CACNA1A: variants seen among roughly 807,000 people sequenced by gnomAD.
The protein encoded by CACNA1A is voltage-dependent P/Q-type calcium channel subunit alpha-1A.
In CACNA1A, 57 loss-of-function variants were observed where a neutral mutation model predicts 262.4. That is an observed-to-expected ratio of 0.22 (90% CI 0.18 to 0.27). The LOEUF (loss-of-function observed/expected upper bound fraction) is 0.27. Ranked by LOEUF, CACNA1A falls within the 10% of genes least tolerant of loss-of-function variation. The probability of loss-of-function intolerance (pLI) is 1.00; values close to 1 mark genes in which losing one functional copy is unlikely to be tolerated. For synonymous variants in CACNA1A, 1,431 were observed against 1,419.3 expected, an observed-to-expected ratio of 1.01 and a Z score of -0.18; for missense variants, 2,526 against 3,562.8, an observed-to-expected ratio of 0.71 and a Z score of 7.41.
intron 28 of CACNA1A, 108 bp downstream of exon 28, chr19:13,257,242 G>A (rs2056597350): frequency 1.2e-6 from 1 of 858,470 alleles, no homozygotes; most frequent in East Asian, 2.6e-5. Context: ...CAATGCTTCT[G>A]TTCCCTCCCC....
At chr19:13,283,451 C>T in intron 21 of CACNA1A, 55 bp from the exon 22 acceptor site, 1 of 1,608,052 alleles carries the variant, frequency 6.2e-7, no homozygotes, top group South Asian at 1.1e-5. Flanking sequence ...GCTCACAAAC[C>T]CTTTTCTTCC....
At chr19:13,401,205 T>C (rs1467735649) in intron 3 of CACNA1A, among the ~76,000 whole-genome samples, 1 of 152,230 alleles carries the variant, frequency 6.6e-6, no homozygotes, top group Admixed American at 6.5e-5. Flanking sequence ...AGGGTCCTTC[T>C]GCCTCTTTCT....
chr19:13,343,348 T>A (rs1219717998), intron 6 of CACNA1A, among the ~76,000 whole-genome samples: 1 of 151,826 alleles, frequency 6.6e-6, no homozygotes, highest in Non-Finnish European at 1.5e-5. Flanking sequence ...GGTCTTGAAC[T>A]CCTGACCTCA....
intron 3 of CACNA1A, among the ~76,000 whole-genome samples, chr19:13,389,996 G>C (rs2059684554): frequency 6.7e-6 from 1 of 149,880 alleles, no homozygotes; most frequent in Non-Finnish European, 1.5e-5. Flanking sequence ...TTTATTTTTA[G>C]TACGGACGCG....
At chr19:13,380,896 C>T (rs1213025679) in intron 3 of CACNA1A, among the ~76,000 whole-genome samples, 1 of 151,804 alleles carries the variant, frequency 6.6e-6, no homozygotes, top group African/African-American at 2.4e-5. Flanking sequence ...TCCTCAGCCT[C>T]CTAAGTAGCT....
chr19:13,498,060 A>G (rs1981900796), intron 1 of CACNA1A, among the ~76,000 whole-genome samples: 1 of 151,944 alleles, frequency 6.6e-6, no homozygotes, highest in African/African-American at 2.4e-5. Context: ...ACGCCACAAC[A>G]TGCCACGAAC....
At position 13,208,940 on chromosome 19, in the gene CACNA1A, C is replaced by T. The variant is rs1326871701; in HGVS notation, c.6596G>A (p.Arg2199Gln). ...ATGCTTCCGATCCTTGGGCCGGCCC[C>T]GCTCCTGGTCCCGCTCCTTCGACGG... Reference protein sequence around the residue: ...DLPSKERDQERGRPKDRKHRQ... With the variant: ...DLPSKERDQEQGRPKDRKHRQ... Residue 2199 changes from arginine to glutamine, a missense_variant, in exon 46 of 47, where the codon CGG (arginine) becomes CAG (glutamine). Physicochemically the swap from Arg to Gln is conservative, Grantham distance 43 (BLOSUM62 1). Coordinates refer to ENST00000360228, the MANE Select transcript of CACNA1A (RefSeq NM_001127222.2). 9 of 1,536,592 alleles carry T rather than the reference C, an allele frequency of 5.9e-6. No individual in the cohort carries two copies. Among genetic ancestry groups the T allele is most frequent in the Admixed American group, 3.9e-5 (2 of 50,984 alleles).
At chr19:13,425,537 T>G (rs1340705134) in intron 3 of CACNA1A, among the ~76,000 whole-genome samples, 1 of 152,216 alleles carries the variant, frequency 6.6e-6, no homozygotes, top group Non-Finnish European at 1.5e-5. Flanking sequence ...TTGAGGAAGT[T>G]ACTTTGGCAC....
intron 1 of CACNA1A, among the ~76,000 whole-genome samples, chr19:13,480,040 T>A (rs1979077749): frequency 6.6e-6 from 1 of 152,242 alleles, no homozygotes. Flanking sequence ...AGCTAATCCT[T>A]TGCAGAAAAC....
chr19:13,310,180 G>A (rs1225609813), intron 12 of CACNA1A, among the ~76,000 whole-genome samples: 1 of 151,908 alleles, frequency 6.6e-6, no homozygotes, highest in African/African-American at 2.4e-5. Context: ...TTAAGGCGGG[G>A]CGTGGTGGCT....
At position 13,376,853 on chromosome 19, in the gene CACNA1A, C is replaced by CGTT. The variant is rs2059425300; in HGVS notation, c.540-5075_540-5074insAAC. 3.5e-5 allele frequency among the ~76,000 whole-genome samples: 5 copies of CGTT among 142,872 alleles called. 1 individual carries two copies. Among genetic ancestry groups the CGTT allele is most frequent in the African/African-American group, 1.3e-4 (5 of 38,370 alleles). 93.7% of individuals were successfully genotyped at this position (142,872 alleles called of 152,430 possible). The stretch of plus-strand genomic sequence containing the variant: ...CACATGTTATATGTGATATATAACA[C>CGTT]ATATGTTATATGTGATATATATAAC... On this transcript the variant is annotated intron_variant, in intron 3 of 46. Transcript: ENST00000360228.
intron 24 of CACNA1A, 128 bp from the exon 25 acceptor site, chr19:13,262,961 A>G: frequency 1.4e-6 from 1 of 695,398 alleles, no homozygotes; most frequent in South Asian, 1.5e-5. Flanking sequence ...AGCTTGGCAC[A>G]GCCCTGCCCT....
chr19:13,453,529 T>C (rs1415279612), intron 2 of CACNA1A, among the ~76,000 whole-genome samples: 4 of 152,198 alleles, frequency 2.6e-5, no homozygotes, highest in East Asian at 3.8e-4. Context: ...AGCTTGTGCA[T>C]TGACCTCACT....
chr19:13,423,857 T>G (rs1367515893), intron 3 of CACNA1A, among the ~76,000 whole-genome samples: 2 of 152,116 alleles, frequency 1.3e-5, no homozygotes, highest in East Asian at 3.8e-4. Context: ...TGTGCAGCAT[T>G]TCCAGTAGCC....
At chr19:13,377,859 G>A (rs549731734) in intron 3 of CACNA1A, among the ~76,000 whole-genome samples, 2 of 152,006 alleles carry the variant, frequency 1.3e-5, no homozygotes, top group Admixed American at 6.6e-5. Context: ...CTGTTCCAGT[G>A]GCTCATGCCT....
intron 24 of CACNA1A, among the ~76,000 whole-genome samples, chr19:13,265,871 AT>A (rs2056850449): frequency 7.0e-6 from 1 of 141,854 alleles, no homozygotes; most frequent in Non-Finnish European, 1.5e-5. Flanking sequence ...TTGAGATGGC[AT>A]TTCTCTCTTG....
chr19:13,214,451 C>T lies in CACNA1A; in HGVS notation c.5839+50G>A, dbSNP rs767035894. 2.6e-5 allele frequency: 40 copies of T among 1,559,712 alleles called. No homozygotes were observed. In the East Asian group the frequency reaches 8.3e-4, roughly 33 times the overall value. ...TCCCCAGGCCTCCCCTTTCCCTCCC[C>T]CTCCATCTGTCCTGGTGGATTGGAT... On this transcript the variant is annotated intron_variant, in intron 39 of 46. Transcript: ENST00000360228. This position sits in a 1 kb window ranked among gnomAD's most constrained non-coding sequence, Gnocchi z 4.1.
chr19:13,286,117 T>C (rs1441785348), intron 20 of CACNA1A, among the ~76,000 whole-genome samples: 2 of 152,018 alleles, frequency 1.3e-5, no homozygotes, highest in Non-Finnish European at 2.9e-5. Flanking sequence ...CTAGAGAGTT[T>C]AAACTGACAT....
rs367766679 is a variant in CACNA1A, at chr19:13,249,844, C to T, written c.4866+3147G>A. ...CTGAACTCTGGTGCTAAAGCTGATG[C>T]CCCTAACCACCTCCGTGAGCCAAGG... On this transcript the variant is annotated intron_variant, in intron 30 of 46. Coordinates refer to ENST00000360228, the MANE Select transcript of CACNA1A (RefSeq NM_001127222.2). Among the ~76,000 whole-genome samples the T allele has an allele frequency of 9.2e-5, 14 of 152,010 alleles. No individual in the cohort carries two copies. In the East Asian group the frequency reaches 1.4e-3, roughly 15 times the overall value.
Sources: allele counts gnomAD v4.1 joint callset (sites outside exome capture counted in the v4.1 genomes callset), GRCh38; gene constraint gnomAD v4.1.1; non-coding constraint Gnocchi (gnomAD v3.1); transcripts MANE v1.5; gene names NCBI Gene and HGNC (gene_info 2026-07-23, HGNC 2026-07-21).